Variants in FSTL4 observed in about 807,000 individuals in gnomAD.
FSTL4 encodes follistatin-related protein 4.
A neutral mutation model predicts 78.2 loss-of-function variants in FSTL4; 28 were observed. The observed-to-expected ratio is 0.36, with a 90% CI of 0.27 to 0.49. The LOEUF (loss-of-function observed/expected upper bound fraction) is 0.49, where lower values mean the gene tolerates loss of function less well. FSTL4 is among the 20% of genes least tolerant of loss of function. FSTL4 has a pLI of 0.98. For synonymous variants in FSTL4, 422 were observed against 440.5 expected (o/e 0.96, Z 0.53); for missense variants, 922 against 1,084.9 (o/e 0.85, Z 2.11).
intron 2 of FSTL4, among the ~76,000 whole-genome samples, chr5:133,579,516 A>G (rs1760356868): frequency 1.3e-5 from 2 of 152,174 alleles, no homozygotes; most frequent in South Asian, 4.1e-4. Context: ...CCATAAGAAA[A>G]TCATGACAGT....
At chr5:133,711,568 C>A in the FSTL4 span, among the ~76,000 whole-genome samples, 4 of 152,210 alleles carry the variant, frequency 2.6e-5, no homozygotes, top group Admixed American at 6.5e-5. Flanking sequence ...GTGCTCAGAA[C>A]TCCAGAAAGA....
chr5:133,301,726 T>G, intron 6 of FSTL4, among the ~76,000 whole-genome samples: 1 of 152,316 alleles, frequency 6.6e-6, no homozygotes. Flanking sequence ...TCCAAGGGCA[T>G]AGCTTGCAGG....
chr5:133,399,417 C>T (rs1435477431), intron 4 of FSTL4, among the ~76,000 whole-genome samples: 1 of 152,232 alleles, frequency 6.6e-6, no homozygotes. Context: ...CTATTGTCAT[C>T]ACCCGGTAAA....
At chr5:133,395,797 C>T (rs7737829) in intron 4 of FSTL4, among the ~76,000 whole-genome samples, 39,277 of 152,062 alleles carry the variant, frequency 0.26, 5,504 homozygotes, top group Middle Eastern at 0.38. Flanking sequence ...TTGAAGGTCC[C>T]CTCTCCTCCA....
At chr5:133,334,476 G>C (rs932916603) in intron 4 of FSTL4, among the ~76,000 whole-genome samples, 2 of 152,158 alleles carry the variant, frequency 1.3e-5, no homozygotes, top group African/African-American at 4.8e-5. Flanking sequence ...CACTGGAATA[G>C]AGCATGGTGT....
At chr5:133,423,760 TACAG>T (rs1462166900) in intron 3 of FSTL4, among the ~76,000 whole-genome samples, 2 of 151,794 alleles carry the variant, frequency 1.3e-5, no homozygotes, top group African/African-American at 4.8e-5. Context: ...TGAGAATGAG[TACAG>T]ACAAATGACT....
intron 3 of FSTL4, among the ~76,000 whole-genome samples, chr5:133,554,987 G>A (rs1034482065): frequency 6.6e-6 from 1 of 152,182 alleles, no homozygotes; most frequent in African/African-American, 2.4e-5. Context: ...TCTGTCTAGG[G>A]ACCATCTGTA....
chr5:133,680,403 C>T, the FSTL4 span, among the ~76,000 whole-genome samples: 3 of 152,178 alleles, frequency 2.0e-5, no homozygotes, highest in Non-Finnish European at 1.5e-5. Flanking sequence ...GGATCCTTTC[C>T]AAGGTGGTGG....
chr5:133,458,634 T>C (rs911091180), intron 3 of FSTL4, among the ~76,000 whole-genome samples: 1 of 152,188 alleles, frequency 6.6e-6, no homozygotes, highest in African/African-American at 2.4e-5. Context: ...TGGGCCTGGG[T>C]CCCATCTGTG....
chr5:133,410,240 C>T (rs892346020), intron 3 of FSTL4, among the ~76,000 whole-genome samples: 3 of 152,172 alleles, frequency 2.0e-5, no homozygotes, highest in African/African-American at 2.4e-5. Flanking sequence ...TTCCTACCCC[C>T]GAGTTCCTTT....
intron 4 of FSTL4, among the ~76,000 whole-genome samples, chr5:133,397,885 AAAAC>A (rs563997148): frequency 1.7e-4 from 26 of 152,222 alleles, no homozygotes; most frequent in Non-Finnish European, 3.4e-4. Flanking sequence ...GCTTGCATGA[AAAAC>A]AAGGTATTTT....
In FSTL4 at chr5:133,263,869, A is replaced by G. The variant is rs116611051; in HGVS notation, c.728-14293T>C. Among the ~76,000 whole-genome samples the G allele has an allele frequency of 8.4e-3, 1,272 of 152,214 alleles. 15 individuals carry two copies. Among genetic ancestry groups the G allele is most frequent in the African/African-American group, 0.029 (1,200 of 41,526 alleles). On this transcript the variant is annotated intron_variant, in intron 6 of 15. Coordinates refer to ENST00000265342, the MANE Select transcript of FSTL4 (RefSeq NM_015082.2). ...GGGTGAGGCAGGGGCACGGAGCCTG[A>G]GTGGGGGCCCAGCCTCTGATGGGGC...
At chr5:133,728,744 TA>T in the FSTL4 span, among the ~76,000 whole-genome samples, 1 of 149,746 alleles carries the variant, frequency 6.7e-6, no homozygotes, top group Non-Finnish European at 1.5e-5. Context: ...TCTAACCAAA[TA>T]AAAGAGGTAG....
chr5:133,333,045 T>C (rs924047472), intron 4 of FSTL4, among the ~76,000 whole-genome samples: 3 of 152,012 alleles, frequency 2.0e-5, no homozygotes, highest in Non-Finnish European at 2.9e-5. Flanking sequence ...TGCACACACA[T>C]ACACACACAC....
At chr5:133,414,818 G>A (rs1444004288) in intron 3 of FSTL4, among the ~76,000 whole-genome samples, 1 of 152,132 alleles carries the variant, frequency 6.6e-6, no homozygotes, top group Non-Finnish European at 1.5e-5. Context: ...AGAACCCTAG[G>A]AGCCTGGGTT....
chr5:133,745,133 A>G, the FSTL4 span, among the ~76,000 whole-genome samples: 2 of 152,084 alleles, frequency 1.3e-5, no homozygotes, highest in Admixed American at 6.6e-5. Context: ...AAAAAGAGAC[A>G]CTCACTGCTA....
At chr5:133,493,489 A>G (rs1202284972) in intron 3 of FSTL4, among the ~76,000 whole-genome samples, 1 of 152,230 alleles carries the variant, frequency 6.6e-6, no homozygotes, top group East Asian at 1.9e-4. Context: ...TTCCTTGACC[A>G]TTAGGTAAAA....
At chr5:133,271,735 T>C (rs1431734685) in intron 6 of FSTL4, among the ~76,000 whole-genome samples, 1 of 152,236 alleles carries the variant, frequency 6.6e-6, no homozygotes, top group Non-Finnish European at 1.5e-5. Flanking sequence ...TAACTAATTA[T>C]GACTGTGACT....
At chr5:133,691,477 G>A in the FSTL4 span, among the ~76,000 whole-genome samples, 3,609 of 152,154 alleles carry the variant, frequency 0.024, 142 homozygotes, top group African/African-American at 0.083. Context: ...TAAATTCTGA[G>A]CTGCCCAGAG....
Sources: gnomAD v4.1 joint callset for allele counts (sites outside exome capture counted in the v4.1 genomes callset) on GRCh38, gnomAD v4.1.1 for gene constraint, MANE v1.5 for transcripts, NCBI Gene and HGNC (gene_info 2026-07-23, HGNC 2026-07-21) for gene names.